Variants in MBD5 observed in about 807,000 individuals in gnomAD.
The protein encoded by MBD5 is methyl-CpG binding domain protein 5, also known as methyl-CpG-binding domain protein 5.
MBD5 carries 13 observed loss-of-function variants against 117.3 expected under a neutral mutation model. The ratio of observed to expected loss-of-function variants is 0.11; its 90% confidence interval spans 0.07 to 0.18. The LOEUF (loss-of-function observed/expected upper bound fraction) is 0.18. MBD5 is among the 10% of genes least tolerant of loss of function. MBD5 has a pLI of 1.00. For synonymous variants in MBD5, 727 were observed against 766.4 expected (o/e 0.95, Z 0.85); for missense variants, 1,879 against 2,093.8 (o/e 0.90, Z 2.00).
chr2:148,173,661 A>T (rs1260766789), intron 1 of MBD5, among the ~76,000 whole-genome samples: 1 of 152,180 alleles, frequency 6.6e-6, no homozygotes, highest in East Asian at 1.9e-4. Flanking sequence ...AAGAGGCTAC[A>T]GTGAGCTATG....
intron 1 of MBD5, among the ~76,000 whole-genome samples, chr2:148,080,492 CT>C (rs1021199015): frequency 6.6e-6 from 1 of 151,902 alleles, no homozygotes; most frequent in African/African-American, 2.4e-5. Flanking sequence ...TATAATAATG[CT>C]TTTTTTAAAA....
chr2:148,477,240 A>G (rs970224520), intron 8 of MBD5, among the ~76,000 whole-genome samples: 1 of 152,090 alleles, frequency 6.6e-6, no homozygotes, highest in Admixed American at 6.6e-5. Flanking sequence ...TTCAAGCTGC[A>G]TCCCTTCTAC....
rs965036929 is a variant in MBD5, at chr2:148,446,260, T to C, written c.-556-11943T>C. Among the ~76,000 whole-genome samples, 16 of 152,226 alleles carry C rather than the reference T, an allele frequency of 1.1e-4. No individual in the cohort carries two copies. In the East Asian group the frequency reaches 2.7e-3, roughly 26 times the overall value. ...AGGTTTTCTTCTAGGGTTTTTATGG[T>C]TTTAGGTCTAACATGTAAGTCTTTA... On this transcript the variant is annotated intron_variant, in intron 4 of 13. Coordinates refer to ENST00000642680, the MANE Select transcript of MBD5 (RefSeq NM_001378120.1).
intron 1 of MBD5, among the ~76,000 whole-genome samples, chr2:148,052,014 T>G (rs1448394045): frequency 6.6e-6 from 1 of 152,034 alleles, no homozygotes; most frequent in Non-Finnish European, 1.5e-5. Flanking sequence ...GTGACATTCT[T>G]GTTATCATTC....
At chr2:148,403,336 CACTCAGCTAATTTTTGT>C (rs1293693477) in intron 4 of MBD5, among the ~76,000 whole-genome samples, 1 of 152,040 alleles carries the variant, frequency 6.6e-6, no homozygotes, top group East Asian at 1.9e-4. Flanking sequence ...CGCACCACCA[CACTCAGCTAATTTTTGT>C]ACTTTTAGTA....
intron 3 of MBD5, among the ~76,000 whole-genome samples, chr2:148,255,510 G>A (rs570378822): frequency 6.6e-6 from 1 of 152,202 alleles, no homozygotes; most frequent in African/African-American, 2.4e-5. Context: ...GGGGTGCTTG[G>A]AGGGTCCATG....
chr2:148,385,436 C>T lies in MBD5; in HGVS notation c.-557+43100C>T, dbSNP rs539828120. ...TACCATCTCACACCAGTTAGAATGGCGATCATTAAAAAGTCAGGAAACAAC... is the reference window on the plus strand; with the variant it reads ...TACCATCTCACACCAGTTAGAATGGTGATCATTAAAAAGTCAGGAAACAAC... On this transcript the variant is annotated intron_variant, in intron 4 of 13. Coordinates refer to ENST00000642680, the MANE Select transcript of MBD5 (RefSeq NM_001378120.1). 1.4e-3 allele frequency among the ~76,000 whole-genome samples: 220 copies of T among 152,122 alleles called. 1 individual carries two copies. Among genetic ancestry groups the T allele is most frequent in the African/African-American group, 4.4e-3 (181 of 41,498 alleles).
At chr2:148,303,674 G>A (rs1701824148) in intron 3 of MBD5, among the ~76,000 whole-genome samples, 1 of 152,204 alleles carries the variant, frequency 6.6e-6, no homozygotes, top group South Asian at 2.1e-4. Context: ...TCGTTTTTGT[G>A]AGTCAAAAAT....
chr2:148,024,053 T>C (rs1400563961), intron 1 of MBD5, among the ~76,000 whole-genome samples: 2 of 152,144 alleles, frequency 1.3e-5, no homozygotes, highest in Admixed American at 1.3e-4. Flanking sequence ...AACTCAGGTC[T>C]CCTGATGCTC....
At chr2:148,293,745 G>A (rs1701559203) in intron 3 of MBD5, among the ~76,000 whole-genome samples, 1 of 152,126 alleles carries the variant, frequency 6.6e-6, no homozygotes, top group South Asian at 2.1e-4. Context: ...AGTATGATAT[G>A]AACTGTGGAT....
chr2:148,414,706 A>G lies in MBD5; in HGVS notation c.-556-43497A>G, dbSNP rs755149961. Among the ~76,000 whole-genome samples, 13 of 152,202 alleles carry G rather than the reference A, an allele frequency of 8.5e-5. No individual in the cohort carries two copies. In the East Asian group the frequency reaches 1.5e-3, roughly 18 times the overall value. ...TTCTTGTTTAATGGAACCGCTTACC[A>G]CTATGTAATGCTCTTCTTTGTCTTT... On this transcript the variant is annotated intron_variant, in intron 4 of 13. Coordinates refer to ENST00000642680, the MANE Select transcript of MBD5 (RefSeq NM_001378120.1).
chr2:148,357,591 T>C (rs1703417864), intron 4 of MBD5, among the ~76,000 whole-genome samples: 1 of 152,046 alleles, frequency 6.6e-6, no homozygotes, highest in South Asian at 2.1e-4. Flanking sequence ...TCTAGAAAAT[T>C]ATCTTGCATT....
At chr2:148,175,761 T>G (rs1011054699) in intron 1 of MBD5, among the ~76,000 whole-genome samples, 3 of 152,208 alleles carry the variant, frequency 2.0e-5, no homozygotes, top group Admixed American at 6.5e-5. Context: ...GTTCCTCACT[T>G]TCTTTATCTG....
At chr2:148,332,557 A>T (rs1702685992) in intron 3 of MBD5, among the ~76,000 whole-genome samples, 1 of 152,092 alleles carries the variant, frequency 6.6e-6, no homozygotes, top group South Asian at 2.1e-4. Context: ...TTTGATTGAT[A>T]TTGTGGCTGA....
intron 4 of MBD5, among the ~76,000 whole-genome samples, chr2:148,353,828 A>T (rs187631351): frequency 2.6e-5 from 4 of 151,946 alleles, no homozygotes; most frequent in African/African-American, 7.3e-5. Context: ...TGATCTGCCC[A>T]CCTCAGCCTC....
chr2:148,243,143 C>A (rs7576452), intron 3 of MBD5, among the ~76,000 whole-genome samples: 122,374 of 146,360 alleles, frequency 0.84, 49,926 homozygotes, highest in East Asian at 1. Context: ...AAAAAAAAAA[C>A]TGCTCAGTAA....
intron 3 of MBD5, among the ~76,000 whole-genome samples, chr2:148,333,709 T>G (rs1702719144): frequency 6.6e-6 from 1 of 151,768 alleles, no homozygotes; most frequent in Admixed American, 6.6e-5. Flanking sequence ...AATACAAAAA[T>G]TAGCCAGGTA....
At chr2:148,405,448 C>T (rs758838351) in intron 4 of MBD5, among the ~76,000 whole-genome samples, 2 of 152,128 alleles carry the variant, frequency 1.3e-5, no homozygotes, top group African/African-American at 2.4e-5. Context: ...CAGCAGTTAT[C>T]GGAAGAGCTG....
At chr2:148,486,555 A>C (rs1372904045) in intron 10 of MBD5, among the ~76,000 whole-genome samples, 1 of 152,232 alleles carries the variant, frequency 6.6e-6, no homozygotes, top group Non-Finnish European at 1.5e-5. Context: ...AAAGCTAAAG[A>C]CAAATGACAA....
Sources: allele counts gnomAD v4.1 joint callset (sites outside exome capture counted in the v4.1 genomes callset), GRCh38; gene constraint gnomAD v4.1.1; transcripts MANE v1.5; gene names NCBI Gene and HGNC (gene_info 2026-07-23, HGNC 2026-07-21).